Variants in RARB observed in about 807,000 individuals in gnomAD.
RARB encodes the protein HBV-activated protein.
A neutral mutation model predicts 51.9 loss-of-function variants in RARB; 17 were observed. The observed-to-expected ratio is 0.33, with a 90% CI of 0.22 to 0.49. The LOEUF (loss-of-function observed/expected upper bound fraction) is 0.49. RARB is among the 20% of genes least tolerant of loss of function. The pLI, the probability that RARB is intolerant of heterozygous loss-of-function variation, is 0.99. For synonymous variants in RARB, 215 were observed against 195.4 expected, an observed-to-expected ratio of 1.10 and a Z score of -0.84; for missense variants, 369 against 550.8, an observed-to-expected ratio of 0.67 and a Z score of 3.30.
chr3:24,914,299 A>T (rs35342260), intron 2 of RARB, among the ~76,000 whole-genome samples: 1 of 151,816 alleles, frequency 6.6e-6, no homozygotes, highest in African/African-American at 2.4e-5. Flanking sequence ...TGACAAATGG[A>T]TTCTAGGGCC....
chr3:24,873,018 G>T (rs1216398278), intron 2 of RARB, among the ~76,000 whole-genome samples: 1 of 152,156 alleles, frequency 6.6e-6, no homozygotes, highest in African/African-American at 2.4e-5. Context: ...CTCTTTTACA[G>T]CTATTCAACT....
At chr3:25,347,696 A>G (rs923385295) in intron 5 of RARB, among the ~76,000 whole-genome samples, 8 of 152,230 alleles carry the variant, frequency 5.3e-5, no homozygotes, top group Non-Finnish European at 1.0e-4. Flanking sequence ...AGCTCATGCT[A>G]TTTAAATCCA....
chr3:24,996,772 CTTG>C (rs941947892), intron 2 of RARB, among the ~76,000 whole-genome samples: 23 of 152,000 alleles, frequency 1.5e-4, no homozygotes, highest in Non-Finnish European at 2.2e-4. Flanking sequence ...GAATGTTCCT[CTTG>C]TTGTTGATAA....
intron 1 of RARB, among the ~76,000 whole-genome samples, chr3:25,445,428 G>C (rs1708886087): frequency 6.6e-6 from 1 of 152,114 alleles, no homozygotes; most frequent in Non-Finnish European, 1.5e-5. Flanking sequence ...ACTTAGGAAG[G>C]CCGAGACAGG....
rs187837661 is a variant in RARB, at chr3:24,943,886, G to A, written c.-380+85134G>A. ...CATGGAGGCTGAAGACTTCTAGAAG[G>A]ATATTTCAATATCAAACATTCTTGC... On this transcript the variant is annotated intron_variant, in intron 2 of 11. Coordinates refer to the RARB transcript ENST00000383772. Among the ~76,000 whole-genome samples the A allele has an allele frequency of 3.0e-3, 462 of 152,232 alleles. 3 individuals carry two copies. Among genetic ancestry groups the A allele is most frequent in the African/African-American group, 0.011 (441 of 41,550 alleles).
At chr3:25,269,382 G>A (rs148696803) in intron 5 of RARB, among the ~76,000 whole-genome samples, 133 of 152,260 alleles carry the variant, frequency 8.7e-4, no homozygotes, top group Middle Eastern at 3.4e-3. Flanking sequence ...AGGTAGGAAC[G>A]TGTGACAGCT....
intron 1 of RARB, among the ~76,000 whole-genome samples, chr3:25,434,466 C>T (rs1228272636): frequency 6.6e-6 from 1 of 151,958 alleles, no homozygotes; most frequent in Non-Finnish European, 1.5e-5. Context: ...CAAACCTCGC[C>T]AACTCTCCAT....
intron 3 of RARB, among the ~76,000 whole-genome samples, chr3:25,080,391 A>C (rs1429802088): frequency 6.6e-6 from 1 of 152,220 alleles, no homozygotes; most frequent in Non-Finnish European, 1.5e-5. Flanking sequence ...TGCTATGAAC[A>C]TTGTTGAACA....
chr3:25,128,784 G>GA (rs1240703424), intron 3 of RARB, among the ~76,000 whole-genome samples: 2 of 151,290 alleles, frequency 1.3e-5, no homozygotes, highest in Admixed American at 1.3e-4. Context: ...GTTAATCACT[G>GA]AAAAAAAGAA....
At chr3:24,979,348 C>T (rs1237594969) in intron 2 of RARB, among the ~76,000 whole-genome samples, 2 of 152,020 alleles carry the variant, frequency 1.3e-5, no homozygotes, top group Admixed American at 1.3e-4. Context: ...GTTAAAGTCT[C>T]TCATTATTAT....
intron 3 of RARB, among the ~76,000 whole-genome samples, chr3:25,088,461 G>T (rs1340143602): frequency 6.6e-6 from 1 of 152,112 alleles, no homozygotes; most frequent in African/African-American, 2.4e-5. Context: ...ATGGCTGTGG[G>T]GTAGGGGGAC....
chr3:25,069,741 T>C (rs1698731777), intron 3 of RARB, among the ~76,000 whole-genome samples: 1 of 152,212 alleles, frequency 6.6e-6, no homozygotes, highest in South Asian at 2.1e-4. Flanking sequence ...GAATGAGCAG[T>C]CTTTTTGCTG....
intron 2 of RARB, among the ~76,000 whole-genome samples, chr3:25,470,086 A>G (rs1315105447): frequency 6.6e-6 from 1 of 152,146 alleles, no homozygotes; most frequent in Non-Finnish European, 1.5e-5. Context: ...CGGGTTGTAG[A>G]CTAACCCTTT....
intron 5 of RARB, among the ~76,000 whole-genome samples, chr3:25,207,923 C>A (rs1701594122): frequency 1.3e-5 from 2 of 151,842 alleles, no homozygotes; most frequent in Non-Finnish European, 2.9e-5. Flanking sequence ...CTGGCATCTG[C>A]TTGGGTTCTG....
chr3:25,233,599 A>T (rs1258025182), intron 5 of RARB, among the ~76,000 whole-genome samples: 2 of 152,150 alleles, frequency 1.3e-5, no homozygotes, highest in African/African-American at 2.4e-5. Flanking sequence ...GTGAGAACAG[A>T]CATACTTGTC....
chr3:25,502,152 G>A (rs561579968), intron 3 of RARB, among the ~76,000 whole-genome samples: 5 of 152,336 alleles, frequency 3.3e-5, no homozygotes, highest in African/African-American at 1.2e-4. Flanking sequence ...TTTGGTGATG[G>A]CGTGCTGTGC....
chr3:25,101,406 A>T (rs1699398155), intron 3 of RARB, among the ~76,000 whole-genome samples: 1 of 152,190 alleles, frequency 6.6e-6, no homozygotes, highest in Non-Finnish European at 1.5e-5. Flanking sequence ...GAGTTTTTGT[A>T]AAAACGTGTA....
At chr3:25,020,636 T>G (rs1215668476) in intron 2 of RARB, among the ~76,000 whole-genome samples, 2 of 152,118 alleles carry the variant, frequency 1.3e-5, no homozygotes, top group African/African-American at 4.8e-5. Flanking sequence ...AAATGTAATA[T>G]GGTGTTTGAT....
intron 3 of RARB, among the ~76,000 whole-genome samples, chr3:25,099,114 G>A (rs973574829): frequency 2.0e-5 from 3 of 152,180 alleles, no homozygotes; most frequent in African/African-American, 4.8e-5. Flanking sequence ...TGATTAAGTA[G>A]TTATGAGTGA....
Sources: allele counts gnomAD v4.1 joint callset (sites outside exome capture counted in the v4.1 genomes callset), GRCh38; gene constraint gnomAD v4.1.1; transcripts MANE v1.5; gene names NCBI Gene and HGNC (gene_info 2026-07-23, HGNC 2026-07-21).